Variants in SPMAP2 observed in about 807,000 individuals in gnomAD.
The protein encoded by SPMAP2 is Theg homolog.
chr19:365,248 C>T, the SPMAP2 span, among the ~76,000 whole-genome samples: 2 of 152,246 alleles, frequency 1.3e-5, no homozygotes, highest in African/African-American at 4.8e-5. Context: ...GTCTCTTCTG[C>T]ACCTTCCGGG....
chr19:375,595 C>T, the SPMAP2 span: 16 of 1,436,748 alleles, frequency 1.1e-5, no homozygotes, highest in Non-Finnish European at 1.4e-5. Context: ...GGCTGCTGCC[C>T]TCCCCCCACT....
the SPMAP2 span, chr19:373,524 C>T: frequency 1.9e-6 from 3 of 1,613,292 alleles, no homozygotes; most frequent in Non-Finnish European, 2.5e-6. Context: ...GTCCAGTACA[C>T]AGAGGGCCTG....
chr19:365,605 A>ACACTCG, the SPMAP2 span, among the ~76,000 whole-genome samples: 1 of 74,602 alleles, frequency 1.3e-5, no homozygotes, highest in East Asian at 3.1e-4. Context: ...ATACAGCCAC[A>ACACTCG]CTCTTACCCC....
At chr19:374,644 A>C in the SPMAP2 span, 2 of 581,812 alleles carry the variant, frequency 3.4e-6, no homozygotes, top group African/African-American at 1.9e-5. Context: ...CGTCCAGGTC[A>C]CCTGTCTCCC....
At chr19:362,308 C>T in the SPMAP2 span, 2 of 1,609,684 alleles carry the variant, frequency 1.2e-6, no homozygotes, top group Non-Finnish European at 1.7e-6. Flanking sequence ...GGCCCTTGCG[C>T]ACTTTGGGCT....
the SPMAP2 span, among the ~76,000 whole-genome samples, chr19:363,897 G>C: frequency 1.3e-5 from 2 of 151,832 alleles, no homozygotes; most frequent in Admixed American, 1.3e-4. Flanking sequence ...ACGATCTTTA[G>C]CTCACTGCAG....
chr19:371,209 G>C, the SPMAP2 span: 3 of 1,452,618 alleles, frequency 2.1e-6, no homozygotes, highest in Non-Finnish European at 2.7e-6. Context: ...ACCCACCTCA[G>C]ACATGGGCAT....
At chr19:365,017 G>T in the SPMAP2 span, among the ~76,000 whole-genome samples, 3 of 152,216 alleles carry the variant, frequency 2.0e-5, no homozygotes, top group Non-Finnish European at 4.4e-5. Context: ...CTGTGAAGAG[G>T]CTCCTGGGGA....
the SPMAP2 span, among the ~76,000 whole-genome samples, chr19:369,149 C>T: frequency 2.6e-5 from 4 of 152,138 alleles, no homozygotes; most frequent in African/African-American, 9.7e-5. Flanking sequence ...CTTTAAACCC[C>T]ACTTTAAACA....
chr19:362,860 G>A, the SPMAP2 span, among the ~76,000 whole-genome samples: 1 of 151,884 alleles, frequency 6.6e-6, no homozygotes, highest in African/African-American at 2.4e-5. Context: ...CACTCAGAGT[G>A]GAATATGACT....
chr19:364,205 C>CA, the SPMAP2 span, among the ~76,000 whole-genome samples: 11 of 150,360 alleles, frequency 7.3e-5, no homozygotes, highest in East Asian at 5.9e-4. Context: ...GGCGTGGTGG[C>CA]GGCTGCCTGT....
the SPMAP2 span, chr19:373,376 A>T: frequency 8.2e-7 from 1 of 1,217,708 alleles, no homozygotes; most frequent in South Asian, 1.3e-5. Flanking sequence ...GAGATGGGGC[A>T]AGGGAGGCCA....
chr19:367,170 G>A, the SPMAP2 span: 3 of 1,609,708 alleles, frequency 1.9e-6, no homozygotes, highest in Non-Finnish European at 2.5e-6. Flanking sequence ...TTTGACAACT[G>A]GAGGATCCGC....
the SPMAP2 span, chr19:373,335 A>G: frequency 5.0e-6 from 4 of 797,252 alleles, no homozygotes; most frequent in African/African-American, 6.8e-5. Context: ...CTCAGGGGAC[A>G]GACTCCAGTG....
At chr19:373,611 G>A in the SPMAP2 span, 2 of 1,421,438 alleles carry the variant, frequency 1.4e-6, no homozygotes, top group African/African-American at 3.0e-5. Flanking sequence ...TCTCTGCCAG[G>A]AGGGTGGCCG....
chr19:374,570 GA>G, the SPMAP2 span: 5 of 1,158,964 alleles, frequency 4.3e-6, no homozygotes, highest in Admixed American at 2.6e-5. Context: ...GTCTCTGAGG[GA>G]GGACTTTGGC....
chr19:374,270 T>C, the SPMAP2 span: 1 of 1,611,190 alleles, frequency 6.2e-7, no homozygotes, highest in Non-Finnish European at 8.5e-7. Context: ...ACGCTGCCCC[T>C]ACGAGGCCGT....
At chr19:374,490 G>T in the SPMAP2 span, 2 of 1,603,070 alleles carry the variant, frequency 1.2e-6, no homozygotes, top group South Asian at 1.1e-5. Context: ...GCCCAGAGAA[G>T]CGTGGGTCTT....
chr19:371,677 C>T, the SPMAP2 span, among the ~76,000 whole-genome samples: 2 of 152,298 alleles, frequency 1.3e-5, no homozygotes, highest in African/African-American at 4.8e-5. Context: ...TCTCTACACA[C>T]CCCCATCATC....
Sources: allele counts gnomAD v4.1 joint callset (sites outside exome capture counted in the v4.1 genomes callset), GRCh38; gene constraint gnomAD v4.1.1; transcripts MANE v1.5; gene names NCBI Gene and HGNC (gene_info 2026-07-23, HGNC 2026-07-21).